USP6NL: variants seen among roughly 807,000 people sequenced by gnomAD.
The protein encoded by USP6NL is USP6 N-terminal like, also known as USP6 N-terminal-like protein.
Under a neutral mutation model 61.9 loss-of-function variants are expected in USP6NL, and 26 were observed. That is an observed-to-expected ratio of 0.42 (90% CI 0.31 to 0.58). The LOEUF (loss-of-function observed/expected upper bound fraction) is 0.58, where lower values mean the gene tolerates loss of function less well. Among genes scored for constraint, USP6NL ranks in the 20% least tolerant of loss-of-function variants. The probability of loss-of-function intolerance (pLI) is 0.16; values close to 1 mark genes in which losing one functional copy is unlikely to be tolerated. For missense variants in USP6NL, 1,114 were observed against 1,034.3 expected, an observed-to-expected ratio of 1.08 and a Z score of -1.06; for synonymous variants, 432 against 390.1, an observed-to-expected ratio of 1.11 and a Z score of -1.27.
At chr10:11,609,363 C>T (rs1408495562) in intron 1 of USP6NL, among the ~76,000 whole-genome samples, 1 of 152,058 alleles carries the variant, frequency 6.6e-6, no homozygotes, top group Non-Finnish European at 1.5e-5. Context: ...CACTGCAACC[C>T]GCCAGTCTAT....
In USP6NL at chr10:11,520,496, G is replaced by A. The variant is rs1172472525; in HGVS notation, c.156-1922C>T. Reference sequence around the variant, plus strand: ...GAGCTCCCTGTAATGCCCAGAATACGTAAGTTGGCATGCTGGAAGAGCTCA... The same window carrying A: ...GAGCTCCCTGTAATGCCCAGAATACATAAGTTGGCATGCTGGAAGAGCTCA... On this transcript the variant is annotated intron_variant, in intron 4 of 14. Coordinates refer to ENST00000609104, the MANE Select transcript of USP6NL (RefSeq NM_014688.5). The surrounding 1 kb of genome is among the most constrained non-coding windows in gnomAD (Gnocchi z 5.2). Among the ~76,000 whole-genome samples the A allele has an allele frequency of 2.0e-5, 3 of 152,192 alleles. No homozygotes were observed. The highest frequency in any genetic ancestry group is 7.2e-5 in the African/African-American group (3 of 41,442).
intron 7 of USP6NL, among the ~76,000 whole-genome samples, chr10:11,498,343 C>G (rs1334637311): frequency 1.4e-5 from 2 of 147,082 alleles, no homozygotes; most frequent in African/African-American, 5.1e-5. Context: ...CCACTATGGT[C>G]TGATCCTATA....
rs189718874 is a variant in USP6NL, at chr10:11,520,006, G to A, written c.156-1432C>T. On this transcript the variant is annotated intron_variant, in intron 4 of 14. Transcript: ENST00000609104. This position sits in a 1 kb window ranked among gnomAD's most constrained non-coding sequence, Gnocchi z 5.2. ...TTTTTCTACTCTGAGGAGTCCTTAGGTGAACAATTACTACAGCCACAAAAC... is the reference window on the plus strand; with the variant it reads ...TTTTTCTACTCTGAGGAGTCCTTAGATGAACAATTACTACAGCCACAAAAC... Among the ~76,000 whole-genome samples the A allele has an allele frequency of 6.0e-4, 91 of 152,260 alleles. No individual in the cohort carries two copies. Among genetic ancestry groups the A allele is most frequent in the African/African-American group, 2.2e-3 (90 of 41,528 alleles).
Position 11,461,154 on chromosome 10 carries a change from A to C in USP6NL, c.*1287T>G, listed in dbSNP as rs2133119390. On this transcript the variant is annotated 3_prime_UTR_variant, in exon 15 of 15. Transcript: ENST00000609104. ...AAGCTCCCCAATTAAACACGAAGTC[A>C]TACTCTCTTGGAGTGCCTAAATCTT... 6.5e-6 allele frequency: 1 copy of C among 152,704 alleles called. No individual in the cohort carries two copies. Among genetic ancestry groups the C allele is most frequent in the East Asian group, 1.9e-4 (1 of 5,182 alleles). The allele number at this position is 152,704 out of a possible 1,614,324, so 9.5% of individuals were successfully genotyped here. A position where few individuals can be genotyped will look rare whatever the true frequency, so the allele number is the denominator to read the frequency against.
chr10:11,464,028 A>G (rs1832328056), intron 14 of USP6NL, among the ~76,000 whole-genome samples, 179 bp from the exon 15 acceptor site: 1 of 152,222 alleles, frequency 6.6e-6, no homozygotes, highest in South Asian at 2.1e-4. Context: ...TACCACAGAA[A>G]GTTGGTAGCT....
chr10:11,485,959 AC>A lies in USP6NL; in HGVS notation c.665-49del. On this transcript the variant is annotated intron_variant, in intron 10 of 14. Transcript: ENST00000609104. The surrounding 1 kb of genome is among the most constrained non-coding windows in gnomAD (Gnocchi z 4.8). ...ACATTTCATAAACAATACCAACAAA[AC>A]CCTCCAATCTTAAAACACAACATAT... 1 of 1,264,936 alleles carries A rather than the reference AC, an allele frequency of 7.9e-7. No individual in the cohort carries two copies. The highest frequency in any genetic ancestry group is 1.1e-6 in the Non-Finnish European group (1 of 915,926). The allele number at this position is 1,264,936 out of a possible 1,614,324, so 78.4% of individuals were successfully genotyped here.
At chr10:11,566,488 G>A (rs1032189633) in intron 2 of USP6NL, among the ~76,000 whole-genome samples, 8 of 152,152 alleles carry the variant, frequency 5.3e-5, no homozygotes, top group Non-Finnish European at 7.4e-5. Context: ...AAGAACTTTT[G>A]TTTGAGGTTA....
chr10:11,527,145 G>A (rs772861696), intron 3 of USP6NL, among the ~76,000 whole-genome samples: 3 of 152,098 alleles, frequency 2.0e-5, no homozygotes, highest in Non-Finnish European at 4.4e-5. Context: ...TAAACAGGGA[G>A]GTGGGAGGTC....
intron 14 of USP6NL, among the ~76,000 whole-genome samples, chr10:11,480,803 G>T (rs1833165471): frequency 6.6e-6 from 1 of 152,210 alleles, no homozygotes; most frequent in Non-Finnish European, 1.5e-5. Context: ...ATACATAACT[G>T]ACTTTCTTTA....
chr10:11,567,710 A>C (rs1322923976), intron 2 of USP6NL, among the ~76,000 whole-genome samples: 1 of 152,250 alleles, frequency 6.6e-6, no homozygotes, highest in African/African-American at 2.4e-5. Flanking sequence ...CAGCAACAGA[A>C]TAACAACAAT....
At position 11,518,537 on chromosome 10, in the gene USP6NL, G is replaced by A. The variant is rs1019741818; in HGVS notation, c.193C>T (p.Arg65Trp). The A allele has an allele frequency of 9.9e-6, 16 of 1,612,414 alleles. No individual in the cohort carries two copies. The highest frequency in any genetic ancestry group is 3.3e-5 in the Admixed American group (2 of 59,778). Reference sequence around the variant, plus strand: ...AATACATCAAGAGCAGGACTTACCCGTTCCACAGCCACATTATGATCTGGG... The same window carrying A: ...AATACATCAAGAGCAGGACTTACCCATTCCACAGCCACATTATGATCTGGG... The part of the protein sequence containing the change: ...ELPDHNVAVE[R>W]QKHLEIERTT... The change falls in exon 5 of 15, where the codon CGG (arginine) becomes TGG (tryptophan). Residue 65 changes from arginine (R) to tryptophan (W), a missense_variant and splice_region_variant. By Grantham distance (101) the Arg-to-Trp change is moderately radical. Coordinates refer to ENST00000609104, the MANE Select transcript of USP6NL (RefSeq NM_014688.5). This position sits in a 1 kb window ranked among gnomAD's most constrained non-coding sequence, Gnocchi z 5.3.
chr10:11,491,880 A>G lies in USP6NL; in HGVS notation c.495-1000T>C, dbSNP rs1322687835. Among the ~76,000 whole-genome samples the G allele has an allele frequency of 2.0e-5, 3 of 152,234 alleles. No homozygotes were observed. The highest frequency in any genetic ancestry group is 7.2e-5 in the African/African-American group (3 of 41,464). ...TATGGAATGGGCAGTGAAACGTGGCATTATAAACACCACCTGTGACCACAT... is the reference window on the plus strand; with the variant it reads ...TATGGAATGGGCAGTGAAACGTGGCGTTATAAACACCACCTGTGACCACAT... On this transcript the variant is annotated intron_variant, in intron 8 of 14. Coordinates refer to ENST00000609104, the MANE Select transcript of USP6NL (RefSeq NM_014688.5). This position sits in a 1 kb window ranked among gnomAD's most constrained non-coding sequence, Gnocchi z 4.7.
At chr10:11,572,608 T>C (rs185282613) in intron 2 of USP6NL, among the ~76,000 whole-genome samples, 3 of 152,110 alleles carry the variant, frequency 2.0e-5, no homozygotes, top group African/African-American at 4.8e-5. Context: ...CTAAGACTTA[T>C]GGAATCTCAT....
At chr10:11,484,900 G>A in intron 13 of USP6NL, 71 bp downstream of exon 13, 1 of 1,192,540 alleles carries the variant, frequency 8.4e-7, no homozygotes, top group Non-Finnish European at 1.1e-6. Context: ...GAAGTGGGTG[G>A]GGAATGAGAA....
Position 11,493,242 on chromosome 10 carries a change from G to C in USP6NL, c.385-14C>G. On this transcript the variant is annotated splice_polypyrimidine_tract_variant and intron_variant, in intron 7 of 14. Transcript: ENST00000609104. ...GTGTTTTAATTTCTGAAGAGAGAAA[G>C]AGAGAACAGAACAGATTTTTATGGA... 5 of 1,587,200 alleles carry C rather than the reference G, an allele frequency of 3.2e-6. No homozygotes were observed. Among genetic ancestry groups the C allele is most frequent in the Non-Finnish European group, 2.6e-6 (3 of 1,162,620 alleles).
chr10:11,578,346 C>T (rs1006471407), intron 2 of USP6NL, among the ~76,000 whole-genome samples: 5 of 152,230 alleles, frequency 3.3e-5, no homozygotes, highest in Non-Finnish European at 7.3e-5. Flanking sequence ...TTTTACTGCA[C>T]TGGCTAAGAC....
chr10:11,579,967 G>GGGGA (rs1566195867), intron 2 of USP6NL, among the ~76,000 whole-genome samples: 1 of 147,932 alleles, frequency 6.8e-6, no homozygotes, highest in East Asian at 2.3e-4. Flanking sequence ...GAGTGGCGGG[G>GGGGA]GGGGGGCAGC....
intron 4 of USP6NL, among the ~76,000 whole-genome samples, chr10:11,524,698 T>C (rs1835348734): frequency 6.6e-6 from 1 of 152,148 alleles, no homozygotes; most frequent in African/African-American, 2.4e-5. Flanking sequence ...ATAAATGAAA[T>C]TGGAAAAGAG....
At position 11,511,055 on chromosome 10, in the gene USP6NL, C is replaced by G. The variant is rs777086499; in HGVS notation, c.196-1380G>C. On this transcript the variant is annotated intron_variant, in intron 5 of 14. Coordinates refer to ENST00000609104, the MANE Select transcript of USP6NL (RefSeq NM_014688.5). This position sits in a 1 kb window ranked among gnomAD's most constrained non-coding sequence, Gnocchi z 4.9. ...TGCCTCACCACCACTATTTTTAGAC[C>G]TAAAAGTACATAAAATTCCAAAGAA... Among the ~76,000 whole-genome samples, 9 of 152,176 alleles carry G rather than the reference C, an allele frequency of 5.9e-5. No individual in the cohort carries two copies. The highest frequency in any genetic ancestry group is 1.2e-4 in the Non-Finnish European group (8 of 68,022).
Sources: gnomAD v4.1 joint callset for allele counts (sites outside exome capture counted in the v4.1 genomes callset) on GRCh38, gnomAD v4.1.1 for gene constraint, Gnocchi (gnomAD v3.1) non-coding constraint, MANE v1.5 for transcripts, NCBI Gene and HGNC (gene_info 2026-07-23, HGNC 2026-07-21) for gene names.